The following VPS4B variants were observed in gnomAD, a reference collection of about 807,000 sequenced individuals.
The protein encoded by VPS4B is vacuolar protein sorting-associated protein 4B.
A neutral mutation model predicts 56.1 loss-of-function variants in VPS4B; 23 were observed. That is an observed-to-expected ratio of 0.41 (90% CI 0.30 to 0.58). The LOEUF (loss-of-function observed/expected upper bound fraction) is 0.58, where lower values mean the gene tolerates loss of function less well. Ranked by LOEUF, VPS4B falls within the 20% of genes least tolerant of loss-of-function variation. VPS4B has a pLI of 0.29. For missense variants in VPS4B, 372 were observed against 531.9 expected (o/e 0.70, Z 2.96); for synonymous variants, 177 against 186.0 (o/e 0.95, Z 0.39).
At chr18:63,414,475 C>T (rs62099984) in intron 1 of VPS4B, among the ~76,000 whole-genome samples, 5,287 of 152,220 alleles carry the variant, frequency 0.035, 96 homozygotes, top group African/African-American at 0.04. Flanking sequence ...ACTCTTGTCG[C>T]CCAGACTGGA....
At chr18:63,391,129 T>A in intron 10 of VPS4B, 53 bp from the exon 11 acceptor site, 1 of 1,179,994 alleles carries the variant, frequency 8.5e-7, no homozygotes, top group Non-Finnish European at 1.2e-6. Flanking sequence ...GTTAACAAAA[T>A]AAAAAACCGT....
At chr18:63,407,773 T>C (rs1322178352) in intron 3 of VPS4B, among the ~76,000 whole-genome samples, 1 of 152,190 alleles carries the variant, frequency 6.6e-6, no homozygotes, top group African/African-American at 2.4e-5. Context: ...TATGTATTAA[T>C]TCATAAATGC....
rs1916328441 is a variant in VPS4B, at chr18:63,422,376, C to T, written c.-117G>A. 4.1e-6 allele frequency: 4 copies of T among 967,948 alleles called. No individual in the cohort carries two copies. The East Asian group carries it at 9.7e-5, about 23-fold the overall frequency. The allele number at this position is 967,948 out of a possible 1,614,324, so 60.0% of individuals were successfully genotyped here. A position where few individuals can be genotyped will look rare whatever the true frequency, so the allele number is the denominator to read the frequency against. ...ACTGGGGAGGCCGGTGGTTCTCGGA[C>T]CGCGAAGGGCAGCCTCCCTTCCGGA... is the stretch of plus-strand genomic sequence containing the variant. On this transcript the variant is annotated 5_prime_UTR_variant, in exon 1 of 11. Transcript: ENST00000238497.
Position 63,399,228 on chromosome 18 carries a change from C to T in VPS4B, c.872+14G>A. 3.1e-6 allele frequency: 5 copies of T among 1,593,512 alleles called. No individual in the cohort carries two copies. The highest frequency in any genetic ancestry group is 4.3e-6 in the Non-Finnish European group (5 of 1,163,508). ...TCTGCAGTGAGAAATAAGATATTTACTATATTATCCTACCTTCGCCTAATG... is the reference window on the plus strand; with the variant it reads ...TCTGCAGTGAGAAATAAGATATTTATTATATTATCCTACCTTCGCCTAATG... On this transcript the variant is annotated intron_variant, in intron 8 of 10. Coordinates refer to ENST00000238497, the MANE Select transcript of VPS4B (RefSeq NM_004869.4).
At chr18:63,402,861 C>T (rs1199276551) in intron 5 of VPS4B, among the ~76,000 whole-genome samples, 4 of 152,140 alleles carry the variant, frequency 2.6e-5, no homozygotes, top group East Asian at 3.8e-4. Flanking sequence ...CTATACGATA[C>T]GACTGTCTGG....
At chr18:63,396,223 G>A (rs1413370915) in intron 9 of VPS4B, 1 of 151,994 alleles carries the variant, frequency 6.6e-6, no homozygotes, top group Non-Finnish European at 1.5e-5. Flanking sequence ...CATTTCATAG[G>A]AAAATTTAAA....
chr18:63,394,843 A>C (rs559548387), intron 9 of VPS4B, among the ~76,000 whole-genome samples: 2 of 151,532 alleles, frequency 1.3e-5, no homozygotes, highest in Admixed American at 6.6e-5. Flanking sequence ...ATGTGAAGAA[A>C]TACATGCTCT....
At chr18:63,397,279 T>C (rs751846433) in intron 8 of VPS4B, 26 bp from the exon 9 acceptor site, 27 of 1,567,212 alleles carry the variant, frequency 1.7e-5, no homozygotes, top group Non-Finnish European at 2.1e-5. Flanking sequence ...ACATCAAGAA[T>C]ATATTTAATT....
intron 1 of VPS4B, among the ~76,000 whole-genome samples, chr18:63,413,920 T>C (rs1216971018): frequency 1.3e-5 from 2 of 152,208 alleles, no homozygotes; most frequent in African/African-American, 4.8e-5. Flanking sequence ...ATGTAATAGT[T>C]ACGTATCTCA....
At chr18:63,405,085 T>A (rs2079978518) in intron 4 of VPS4B, among the ~76,000 whole-genome samples, 1 of 152,196 alleles carries the variant, frequency 6.6e-6, no homozygotes, top group South Asian at 2.1e-4. Flanking sequence ...TGTGTCATGA[T>A]TTGTTTTCAT....
intron 4 of VPS4B, among the ~76,000 whole-genome samples, 165 bp from the exon 5 acceptor site, chr18:63,403,991 A>C (rs552988308): frequency 6.6e-6 from 1 of 152,364 alleles, no homozygotes; most frequent in African/African-American, 2.4e-5. Context: ...GTTAGGGAGT[A>C]GTCAATAGGA....
rs370694816 is a variant in VPS4B at position 63,400,518 on chromosome 18, A to C, written c.641+29T>G. The C allele has an allele frequency of 1.8e-5, 28 of 1,592,882 alleles. No homozygotes were observed. The South Asian group carries it at 3.1e-4, about 18-fold the overall frequency. ...GATACAGTAATTACAGGCAAAGAAA[A>C]AACTTTAAAAAATTGATTTACTACT... On this transcript the variant is annotated intron_variant, in intron 6 of 10. Transcript: ENST00000238497.
In VPS4B at chr18:63,412,913, GA is replaced by G. The variant is rs909803664; in HGVS notation, c.28-1336del. 1.5e-4 allele frequency among the ~76,000 whole-genome samples: 23 copies of G among 149,944 alleles called. 1 individual carries two copies. The highest frequency in any genetic ancestry group is 2.2e-4 in the African/African-American group (9 of 40,822). ...GACATCAAAAGCATACTATATAAAA[GA>G]AAAAAAAAGGTAACTGGATCTTATG... is the stretch of plus-strand genomic sequence containing the variant. On this transcript the variant is annotated intron_variant, in intron 1 of 10. Transcript: ENST00000238497.
At chr18:63,415,501 C>A in intron 1 of VPS4B, 1 of 303,390 alleles carries the variant, frequency 3.3e-6, no homozygotes. Flanking sequence ...GGCAATTTTT[C>A]TCTGGTTGAT....
At chr18:63,398,621 A>AG (rs1458049270) in intron 8 of VPS4B, among the ~76,000 whole-genome samples, 1 of 151,754 alleles carries the variant, frequency 6.6e-6, no homozygotes, top group Non-Finnish European at 1.5e-5. Flanking sequence ...GTGGATCATG[A>AG]GGTCAAGAGA....
At position 63,399,335 on chromosome 18, in the gene VPS4B, T is replaced by C; in HGVS notation, c.791-12A>G. The stretch of plus-strand genomic sequence containing the variant: ...GTCTACACCAACCCCTGCATTAAAA[T>C]AGGTAATGCTTTAATTAATTTGTCA... On this transcript the variant is annotated splice_polypyrimidine_tract_variant and intron_variant, in intron 7 of 10. Transcript: ENST00000238497. The C allele has an allele frequency of 1.2e-6, 2 of 1,605,358 alleles. No individual in the cohort carries two copies. The highest frequency in any genetic ancestry group is 1.1e-5 in the South Asian group (1 of 90,572).
rs192546783 is a variant in VPS4B at position 63,390,489 on chromosome 18, C to G, written c.*486G>C. ...AAATCTTTCAAACCCAATCACAAAG[C>G]TCTTTGCTGTTTTATTGCCCATCCC... On this transcript the variant is annotated 3_prime_UTR_variant, in exon 11 of 11. Transcript: ENST00000238497. The G allele has an allele frequency of 5.7e-4, 87 of 152,894 alleles. No individual in the cohort carries two copies. The highest frequency in any genetic ancestry group is 1.4e-3 in the South Asian group (7 of 4,828). 9.5% of individuals were successfully genotyped at this position (152,894 alleles called of 1,614,324 possible).
chr18:63,397,044 T>C lies in VPS4B; in HGVS notation c.1082A>G (p.His361Arg), dbSNP rs1325512539. ...QPVRKVQSAT[H>R]FKKVRGPSRA... ...ATAAAAATGACTTACCTTTTTAAAA[T>C]GAGTAGCTGACTGTACTTTCCTAAC... Residue 361 changes from histidine to arginine, a missense_variant, in exon 9 of 11, where the codon CAT becomes CGT. His to Arg is a conservative substitution (Grantham distance 29). Coordinates refer to ENST00000238497, the MANE Select transcript of VPS4B (RefSeq NM_004869.4). 6.2e-7 allele frequency: 1 copy of C among 1,612,482 alleles called. No homozygotes were observed.
At chr18:63,392,732 GCCA>G (rs1915578765) in intron 10 of VPS4B, among the ~76,000 whole-genome samples, 1 of 144,876 alleles carries the variant, frequency 6.9e-6, no homozygotes, top group Non-Finnish European at 1.5e-5. Context: ...ACAGGCATGA[GCCA>G]CCGTACCTGG....
Sources: gnomAD v4.1 joint callset for allele counts (sites outside exome capture counted in the v4.1 genomes callset) on GRCh38, gnomAD v4.1.1 for gene constraint, MANE v1.5 for transcripts, NCBI Gene and HGNC (gene_info 2026-07-23, HGNC 2026-07-21) for gene names.